TENM2: variants seen among roughly 807,000 people sequenced by gnomAD.
TENM2 encodes teneurin transmembrane protein 2.
Under a neutral mutation model 245.2 loss-of-function variants are expected in TENM2, and 52 were observed. The observed-to-expected ratio is 0.21, with a 90% CI of 0.17 to 0.27. The LOEUF is 0.27. Ranked by LOEUF, TENM2 falls within the 10% of genes least tolerant of loss-of-function variation. The pLI is 1.00. For synonymous variants in TENM2, 1,363 were observed against 1,438.9 expected (o/e 0.95, Z 1.19); for missense variants, 3,046 against 3,666.8 (o/e 0.83, Z 4.37).
At chr5:167,511,500 G>C (rs1362535517) in intron 2 of TENM2, among the ~76,000 whole-genome samples, 1 of 152,158 alleles carries the variant, frequency 6.6e-6, no homozygotes. Flanking sequence ...GAAGAAATTT[G>C]CATTCTTTTG....
chr5:167,758,641 G>A (rs1272203784), intron 2 of TENM2, among the ~76,000 whole-genome samples: 1 of 151,990 alleles, frequency 6.6e-6, no homozygotes, highest in Non-Finnish European at 1.5e-5. Context: ...TTGCATGTTA[G>A]CTTTTATAAG....
At chr5:168,260,177 G>T in intron 27 of TENM2, 106 bp from the exon 30 acceptor site, 1 of 1,217,500 alleles carries the variant, frequency 8.2e-7, no homozygotes, top group Non-Finnish European at 1.2e-6. Flanking sequence ...CTCCCCTTTG[G>T]GCCCTACACC....
At chr5:167,464,718 A>G (rs1766531544) in intron 2 of TENM2, among the ~76,000 whole-genome samples, 1 of 152,178 alleles carries the variant, frequency 6.6e-6, no homozygotes, top group South Asian at 2.1e-4. Context: ...GAACTGCACA[A>G]CAGGCCTGAC....
the TENM2 span, among the ~76,000 whole-genome samples, chr5:167,003,792 A>T: frequency 1.3e-5 from 2 of 152,116 alleles, no homozygotes; most frequent in African/African-American, 4.8e-5. Context: ...TGGGGAAGGA[A>T]CTCATTGTAC....
At chr5:167,649,203 C>T (rs1424026695) in intron 2 of TENM2, among the ~76,000 whole-genome samples, 1 of 152,192 alleles carries the variant, frequency 6.6e-6, no homozygotes. Flanking sequence ...GCTACCATCT[C>T]TTGCAACACA....
intron 10 of TENM2, among the ~76,000 whole-genome samples, chr5:168,122,393 G>A (rs1163565678): frequency 6.6e-6 from 1 of 152,046 alleles, no homozygotes; most frequent in African/African-American, 2.4e-5. Flanking sequence ...AGCCAGGATG[G>A]TCTCGGTCTC....
chr5:167,418,313 C>CAAAA (rs57972287), intron 2 of TENM2, among the ~76,000 whole-genome samples: 2 of 135,406 alleles, frequency 1.5e-5, no homozygotes, highest in South Asian at 4.7e-4. Context: ...GAAACTGTCT[C>CAAAA]AAAAAAAAAA....
At chr5:167,399,594 G>A (rs1762254756) in intron 2 of TENM2, among the ~76,000 whole-genome samples, 1 of 152,114 alleles carries the variant, frequency 6.6e-6, no homozygotes. Context: ...ACATTTCTTT[G>A]GAATGAGACT....
At chr5:167,773,345 G>A (rs116145430) in intron 2 of TENM2, among the ~76,000 whole-genome samples, 288 of 152,244 alleles carry the variant, frequency 1.9e-3, no homozygotes, top group Middle Eastern at 3.4e-3. Flanking sequence ...GTATTTCCTA[G>A]GGCGATGCTA....
At chr5:167,572,185 T>C (rs1774311136) in intron 2 of TENM2, among the ~76,000 whole-genome samples, 3 of 152,242 alleles carry the variant, frequency 2.0e-5, no homozygotes, top group Admixed American at 6.5e-5. Flanking sequence ...ATGAAGAGTA[T>C]GACACTTCGA....
chr5:168,091,798 CCACAGGGTGGCTTCTT>C (rs1297691626), intron 8 of TENM2, among the ~76,000 whole-genome samples: 2 of 152,130 alleles, frequency 1.3e-5, no homozygotes, highest in Non-Finnish European at 2.9e-5. Context: ...GGGGAAGCCC[CCACAGGGTGGCTTCTT>C]GAAGAAAGAC....
the TENM2 span, among the ~76,000 whole-genome samples, chr5:167,085,555 A>C: frequency 6.6e-6 from 1 of 152,164 alleles, no homozygotes; most frequent in South Asian, 2.1e-4. Flanking sequence ...ATAAAAATCT[A>C]TGAGATAGAT....
chr5:168,002,917 T>A (rs2052523), intron 5 of TENM2, among the ~76,000 whole-genome samples: 1 of 152,026 alleles, frequency 6.6e-6, no homozygotes, highest in African/African-American at 2.4e-5. Context: ...TACTTGAAAT[T>A]TTTTTCCTGG....
intron 2 of TENM2, among the ~76,000 whole-genome samples, chr5:167,565,400 A>T (rs545446021): frequency 6.6e-6 from 1 of 152,198 alleles, no homozygotes; most frequent in Non-Finnish European, 1.5e-5. Context: ...CTCTGAGTAC[A>T]TGGTATTGCA....
intron 13 of TENM2, chr5:168,184,999 G>A (rs1403175703): frequency 2.0e-5 from 3 of 152,214 alleles, no homozygotes; most frequent in Non-Finnish European, 4.4e-5. Flanking sequence ...ACAATGCCAG[G>A]AATAAATTCC....
chr5:167,276,216 G>A, the TENM2 span, among the ~76,000 whole-genome samples: 31 of 151,788 alleles, frequency 2.0e-4, no homozygotes, highest in Admixed American at 1.4e-3. Context: ...AGTCATGAGG[G>A]TAATAAGTAG....
At chr5:167,062,114 T>C in the TENM2 span, among the ~76,000 whole-genome samples, 1 of 152,170 alleles carries the variant, frequency 6.6e-6, no homozygotes, top group Non-Finnish European at 1.5e-5. Flanking sequence ...GTGATTTCAA[T>C]GTTTAATTCC....
the TENM2 span, among the ~76,000 whole-genome samples, chr5:167,055,832 A>G: frequency 6.6e-6 from 1 of 152,210 alleles, no homozygotes; most frequent in African/African-American, 2.4e-5. Flanking sequence ...AAGATATTCC[A>G]CATAGATGAT....
At chr5:168,167,037 G>T (rs1329012794) in intron 13 of TENM2, among the ~76,000 whole-genome samples, 11 of 152,234 alleles carry the variant, frequency 7.2e-5, no homozygotes, top group Non-Finnish European at 1.5e-4. Context: ...AAATGGTTCA[G>T]ACAGACACGG....
Sources: gnomAD v4.1 joint callset for allele counts (sites outside exome capture counted in the v4.1 genomes callset) on GRCh38, gnomAD v4.1.1 for gene constraint, MANE v1.5 for transcripts, NCBI Gene and HGNC (gene_info 2026-07-23, HGNC 2026-07-21) for gene names.